The following FBXO25 variants were observed in gnomAD, a reference collection of about 807,000 sequenced individuals.
The protein encoded by FBXO25 is F-box protein 25.
Under a neutral mutation model 51.9 loss-of-function variants are expected in FBXO25, and 45 were observed. The observed-to-expected ratio is 0.87, with a 90% CI of 0.68 to 1.11. The LOEUF (loss-of-function observed/expected upper bound fraction) is 1.11. FBXO25 is among the 50% of genes most tolerant of loss of function. The pLI is 0.00. For synonymous variants in FBXO25, 199 were observed against 151.0 expected, an observed-to-expected ratio of 1.32 and a Z score of -2.33; for missense variants, 507 against 428.5, an observed-to-expected ratio of 1.18 and a Z score of -1.62.
intron 7 of FBXO25, among the ~76,000 whole-genome samples, chr8:455,702 G>C (rs961749649): frequency 6.6e-6 from 1 of 152,232 alleles, no homozygotes; most frequent in Non-Finnish European, 1.5e-5. Flanking sequence ...CCTAAAGCAA[G>C]AGAAGCAGCA....
At chr8:416,086 T>G (rs1402460011) in intron 2 of FBXO25, among the ~76,000 whole-genome samples, 1 of 152,208 alleles carries the variant, frequency 6.6e-6, no homozygotes, top group Non-Finnish European at 1.5e-5. Context: ...CTCATTTATT[T>G]GCTTTTTTCA....
chr8:435,624 T>C lies in FBXO25; in HGVS notation c.298T>C (p.Tyr100His). 1.9e-6 allele frequency: 3 copies of C among 1,605,998 alleles called. No homozygotes were observed. Among genetic ancestry groups the C allele is most frequent in the Non-Finnish European group, 1.7e-6 (2 of 1,178,798 alleles). ...TGTGTTGCTTTTCCAGAGGCATGGC[T>C]ATTGCACCTTGGGAGAAGCCTTTAA... ...HKESTKERHG[Y>H]CTLGEAFNRL... The change falls in exon 5 of 10, where the codon TAT becomes CAT. Residue 100 changes from tyrosine (Y) to histidine (H), a missense_variant. Physicochemically the swap from Tyr to His is moderately conservative, Grantham distance 83. Transcript: ENST00000350302.
intron 5 of FBXO25, among the ~76,000 whole-genome samples, chr8:442,986 C>G (rs1798522614): frequency 6.6e-6 from 1 of 152,092 alleles, no homozygotes; most frequent in African/African-American, 2.4e-5. Flanking sequence ...TATGTTAACG[C>G]TCCTGAGAAC....
chr8:421,752 C>T (rs1237322857), intron 2 of FBXO25, among the ~76,000 whole-genome samples: 2 of 152,084 alleles, frequency 1.3e-5, no homozygotes, highest in African/African-American at 4.8e-5. Context: ...CTAAGGGCTC[C>T]TCAGGGAAGG....
At chr8:418,244 C>CT (rs1239551254) in intron 2 of FBXO25, among the ~76,000 whole-genome samples, 1 of 151,456 alleles carries the variant, frequency 6.6e-6, no homozygotes, top group Non-Finnish European at 1.5e-5. Context: ...TTTGTAATTA[C>CT]TTTAACTAGT....
At chr8:419,607 A>G (rs1165837263) in intron 2 of FBXO25, among the ~76,000 whole-genome samples, 1 of 152,178 alleles carries the variant, frequency 6.6e-6, no homozygotes, top group Non-Finnish European at 1.5e-5. Context: ...CTAGATGTGT[A>G]TATGCAAAAA....
chr8:449,479 T>A (rs933750622), intron 5 of FBXO25, among the ~76,000 whole-genome samples: 1 of 152,284 alleles, frequency 6.6e-6, no homozygotes, highest in African/African-American at 2.4e-5. Flanking sequence ...AATGAGTTTT[T>A]AAATACAAAA....
intron 2 of FBXO25, among the ~76,000 whole-genome samples, chr8:414,688 C>A (rs928466427): frequency 6.6e-6 from 1 of 152,172 alleles, no homozygotes. Flanking sequence ...GTCTCCCTTT[C>A]CCCTTCGCCC....
Position 471,889 on chromosome 8 carries a change from T to A in FBXO25, c.*3085T>A, listed in dbSNP as rs956129381. ...AACTGTGTCTACTTTATGGAAAAAA[T>A]TTAACCATCTGTGAACAGTTTTTTG... On this transcript the variant is annotated 3_prime_UTR_variant, in exon 10 of 10. Coordinates refer to ENST00000350302, the MANE Select transcript of FBXO25 (RefSeq NM_183420.2). The A allele has an allele frequency of 1.3e-5, 2 of 152,140 alleles. No individual in the cohort carries two copies. The highest frequency in any genetic ancestry group is 2.4e-5 in the African/African-American group (1 of 41,420). The allele number at this position is 152,140 out of a possible 1,614,324, so 9.4% of individuals were successfully genotyped here.
At chr8:458,602 C>A in intron 8 of FBXO25, 51 bp downstream of exon 8, 1 of 1,572,736 alleles carries the variant, frequency 6.4e-7, no homozygotes, top group South Asian at 1.2e-5. Flanking sequence ...ATAGACTCTG[C>A]CTGGGGGCCA....
rs1431904792 is a variant in FBXO25, at chr8:472,175, A to G, written c.*3371A>G. The G allele has an allele frequency of 1.3e-5, 2 of 152,228 alleles. No homozygotes were observed. The highest frequency in any genetic ancestry group is 2.9e-5 in the Non-Finnish European group (2 of 68,056). The allele number at this position is 152,228 out of a possible 1,614,324, so 9.4% of individuals were successfully genotyped here. A position where few individuals can be genotyped will look rare whatever the true frequency, so the allele number is the denominator to read the frequency against. On this transcript the variant is annotated 3_prime_UTR_variant, in exon 10 of 10. Transcript: ENST00000350302. Reference sequence around the variant, plus strand: ...TTAGGGGAAAGCTTTCAGTCTCACCATTAACTATGATGTTAACCCTGGGTT... The same window carrying G: ...TTAGGGGAAAGCTTTCAGTCTCACCGTTAACTATGATGTTAACCCTGGGTT...
At chr8:466,447 C>T (rs1241621409) in intron 9 of FBXO25, among the ~76,000 whole-genome samples, 1 of 152,192 alleles carries the variant, frequency 6.6e-6, no homozygotes, top group Non-Finnish European at 1.5e-5. Flanking sequence ...CAGAAAATGG[C>T]ACTTAGGGTT....
intron 7 of FBXO25, among the ~76,000 whole-genome samples, 186 bp from the exon 8 acceptor site, chr8:458,183 C>G: frequency 6.6e-6 from 1 of 152,230 alleles, no homozygotes; most frequent in East Asian, 1.9e-4. Context: ...CCCTCTCTTG[C>G]TCTCCTCCTC....
At chr8:413,387 C>G (rs1476644557) in intron 2 of FBXO25, among the ~76,000 whole-genome samples, 174 bp downstream of exon 2, 2 of 151,950 alleles carry the variant, frequency 1.3e-5, no homozygotes, top group Non-Finnish European at 2.9e-5. Context: ...GCCTAATATT[C>G]ATACACAGAT....
chr8:435,734 T>C, intron 5 of FBXO25, 27 bp downstream of exon 5: 1 of 1,559,672 alleles, frequency 6.4e-7, no homozygotes, highest in East Asian at 2.3e-5. Context: ...AAAAACTACT[T>C]TGATGACTCT....
At position 413,475 on chromosome 8, in the gene FBXO25, C is replaced by T. The variant is rs529557014; in HGVS notation, c.134+262C>T. Reference sequence around the variant, plus strand: ...GAGAGAGGTATTATTTTTAATCCCACATTATAGCTGAGGAACCTGAGGAAA... The same window carrying T: ...GAGAGAGGTATTATTTTTAATCCCATATTATAGCTGAGGAACCTGAGGAAA... On this transcript the variant is annotated intron_variant, in intron 2 of 9. Coordinates refer to ENST00000350302, the MANE Select transcript of FBXO25 (RefSeq NM_183420.2). 2.0e-3 allele frequency among the ~76,000 whole-genome samples: 303 copies of T among 152,050 alleles called. 2 individuals are homozygous for T. Among genetic ancestry groups the T allele is most frequent in the Admixed American group, 8.7e-3 (133 of 15,288 alleles).
At chr8:430,214 C>T (rs925169627) in intron 2 of FBXO25, among the ~76,000 whole-genome samples, 1 of 152,176 alleles carries the variant, frequency 6.6e-6, no homozygotes, top group Non-Finnish European at 1.5e-5. Flanking sequence ...GATTCTAAAG[C>T]TTCTACATTC....
Position 475,870 on chromosome 8 carries a change from G to C in FBXO25, c.*7066G>C, listed in dbSNP as rs764913081. 2 of 152,032 alleles carry C rather than the reference G, an allele frequency of 1.3e-5. No homozygotes were observed. Among genetic ancestry groups the C allele is most frequent in the Non-Finnish European group, 2.9e-5 (2 of 67,966 alleles). The allele number at this position is 152,032 out of a possible 1,614,324, so 9.4% of individuals were successfully genotyped here. A position where few individuals can be genotyped will look rare whatever the true frequency, so the allele number is the denominator to read the frequency against. ...AATTTTGCTTCTTCCTTTCCAGTCT[G>C]GATGCCTTTTATTTCTTTTTCTTGC... is the stretch of plus-strand genomic sequence containing the variant. On this transcript the variant is annotated 3_prime_UTR_variant, in exon 10 of 10. Transcript: ENST00000350302.
rs183741676 is a variant in FBXO25, at chr8:430,068, T to G, written c.135-1273T>G. ...AAGCTGCATGGAGTGTCCTTCTCCC[T>G]GTACGTATGAGATTAGTCAGCAGTC... On this transcript the variant is annotated intron_variant, in intron 2 of 9. Transcript: ENST00000350302. Among the ~76,000 whole-genome samples the G allele has an allele frequency of 3.9e-5, 6 of 152,374 alleles. No individual in the cohort carries two copies. The East Asian group carries it at 1.2e-3, about 29-fold the overall frequency.
Sources: gnomAD v4.1 joint callset for allele counts (sites outside exome capture counted in the v4.1 genomes callset) on GRCh38, gnomAD v4.1.1 for gene constraint, MANE v1.5 for transcripts, NCBI Gene and HGNC (gene_info 2026-07-23, HGNC 2026-07-21) for gene names.